Variants in MTERF4 observed in about 807,000 individuals in gnomAD.
MTERF4 encodes the protein mitochondrial transcription termination factor 4.
A neutral mutation model predicts 22.5 loss-of-function variants in MTERF4; 17 were observed. The ratio of observed to expected loss-of-function variants is 0.75; its 90% CI spans 0.52 to 1.13. The LOEUF is 1.13. MTERF4 is among the 50% of genes most tolerant of loss of function. The probability of loss-of-function intolerance (pLI) is 0.00; values close to 1 mark genes in which losing one functional copy is unlikely to be tolerated. For missense variants in MTERF4, 420 were observed against 466.8 expected (o/e 0.90, Z 0.92); for synonymous variants, 165 against 175.3 (o/e 0.94, Z 0.47).
chr2:241,068,024 G>A (rs563204287), downstream of MTERF4: 7 of 1,354,380 alleles, frequency 5.2e-6, no homozygotes, highest in East Asian at 2.4e-5. The surrounding 1 kb of genome is among the most constrained non-coding windows in gnomAD (Gnocchi z 5.3). Context: ...CCCAGGTCTC[G>A]GGCACATTCT....
downstream of MTERF4, chr2:241,088,285 G>A: frequency 1.0e-6 from 1 of 983,490 alleles, no homozygotes. Flanking sequence ...ATCTCAGCAG[G>A]CAGCCTGGAC....
the MTERF4 span, among the ~76,000 whole-genome samples, chr2:241,066,701 C>T: frequency 3.6e-4 from 55 of 152,274 alleles, no homozygotes; most frequent in African/African-American, 1.2e-3. Context: ...GGGGCGGCCA[C>T]GTGAGTTTGG....
At chr2:241,098,320 T>A (rs1490644258) in intron 2 of MTERF4, among the ~76,000 whole-genome samples, 1 of 152,236 alleles carries the variant, frequency 6.6e-6, no homozygotes, top group Non-Finnish European at 1.5e-5. Flanking sequence ...GGCTACCTTT[T>A]TCTTATCTTC....
chr2:241,071,683 G>C, downstream of MTERF4: 1 of 1,547,820 alleles, frequency 6.5e-7, no homozygotes, highest in Non-Finnish European at 8.7e-7. Context: ...CCTGCTCAAT[G>C]ACCACAGCGC....
chr2:241,069,796 C>G (rs1216880815), downstream of MTERF4: 1 of 1,141,916 alleles, frequency 8.8e-7, no homozygotes, highest in East Asian at 2.4e-5. This position sits in a 1 kb window ranked among gnomAD's most constrained non-coding sequence, Gnocchi z 4.9. Flanking sequence ...CTGTACCATT[C>G]TCCATAATAA....
the MTERF4 span, chr2:241,050,043 C>A: frequency 1.3e-6 from 1 of 792,650 alleles, no homozygotes; most frequent in Non-Finnish European, 2.2e-6. Flanking sequence ...TTGCTGACCT[C>A]GTCTAGAGCC....
rs1295014448 is a variant in MTERF4, at chr2:241,073,052, G to C, written n.3110C>G. 7 of 554,870 alleles carry C rather than the reference G, an allele frequency of 1.3e-5. No homozygotes were observed. The highest frequency in any genetic ancestry group is 6.1e-5 in the Admixed American group (2 of 32,592). 34.4% of individuals were successfully genotyped at this position (554,870 alleles called of 1,614,324 possible). On this transcript the variant is annotated non_coding_transcript_exon_variant, in exon 5 of 5. Transcript: ENST00000464344. This position sits in a 1 kb window ranked among gnomAD's most constrained non-coding sequence, Gnocchi z 6.6. Reference sequence around the variant, plus strand: ...TCTGAGGGGGCCCTGCAAGGGGAAGGCCGAGCCCCTCCAGAGGGTCAGCAG... The same window carrying C: ...TCTGAGGGGGCCCTGCAAGGGGAAGCCCGAGCCCCTCCAGAGGGTCAGCAG...
At chr2:241,066,945 A>G in the MTERF4 span, among the ~76,000 whole-genome samples, 1 of 152,150 alleles carries the variant, frequency 6.6e-6, no homozygotes, top group Non-Finnish European at 1.5e-5. Context: ...CACAGAGCAC[A>G]CCTCGGCCAG....
At chr2:241,084,791 C>CT (rs575797395), downstream of MTERF4, among the ~76,000 whole-genome samples, 153 of 152,344 alleles carry the variant, frequency 1.0e-3, 1 homozygote, top group Admixed American at 4.5e-3. Context: ...TTAACTCTAA[C>CT]ATCTCCTATA....
the MTERF4 span, among the ~76,000 whole-genome samples, chr2:241,045,533 AATCCAATGGAG>A: frequency 6.6e-6 from 1 of 152,194 alleles, no homozygotes; most frequent in Non-Finnish European, 1.5e-5. Context: ...AAAAGATTTA[AATCCAATGGAG>A]AAATGATAAT....
downstream of MTERF4, among the ~76,000 whole-genome samples, chr2:241,083,897 A>G (rs906541660): frequency 5.2e-5 from 7 of 134,448 alleles, no homozygotes; most frequent in Non-Finnish European, 9.7e-5. Flanking sequence ...TTAAACTGCC[A>G]TATTACTATT....
intron 1 of MTERF4, chr2:241,101,139 A>G (rs767993472): frequency 4.3e-6 from 2 of 462,230 alleles, no homozygotes. Context: ...GTTGTAATAT[A>G]AGATGAAATA....
downstream of MTERF4, chr2:241,082,249 G>A: frequency 1.3e-6 from 2 of 1,573,752 alleles, no homozygotes; most frequent in Non-Finnish European, 1.7e-6. Context: ...AGGAGCACCT[G>A]GTGAGCCACT....
the MTERF4 span, chr2:241,063,435 G>T: frequency 1.5e-6 from 1 of 661,978 alleles, no homozygotes; most frequent in South Asian, 1.6e-5. Context: ...GGGTGGGTTT[G>T]GGGCTGATGG....
chr2:241,080,789 C>T (rs903604313), intron 4 of MTERF4, among the ~76,000 whole-genome samples: 5 of 152,248 alleles, frequency 3.3e-5, no homozygotes, highest in Admixed American at 6.5e-5. Flanking sequence ...AGGACCAACT[C>T]GGTCTGCAGG....
chr2:241,088,415 T>C, downstream of MTERF4: 1 of 1,607,660 alleles, frequency 6.2e-7, no homozygotes, highest in Middle Eastern at 1.7e-4. Flanking sequence ...ACGTCCCTGC[T>C]GCTCCCGCCC....
At position 241,095,775 on chromosome 2, in the gene MTERF4, C is replaced by A; in HGVS notation, c.*223G>T. The A allele has an allele frequency of 1.4e-6, 1 of 721,724 alleles. No individual in the cohort carries two copies. The highest frequency in any genetic ancestry group is 2.2e-6 in the Non-Finnish European group (1 of 448,204). The allele number at this position is 721,724 out of a possible 1,614,324, so 44.7% of individuals were successfully genotyped here. ...TATCTTATTCAGGATGGGACAGGGC[C>A]CTCCCCACAGACACGTGACAACAGA... is the stretch of plus-strand genomic sequence containing the variant. On this transcript the variant is annotated 3_prime_UTR_variant, in exon 4 of 4. Transcript: ENST00000391980.
downstream of MTERF4, chr2:241,070,067 C>G: frequency 6.2e-7 from 1 of 1,613,112 alleles, no homozygotes; most frequent in Non-Finnish European, 8.5e-7. Context: ...CGCTATGTCC[C>G]CAACGGGAAG....
At chr2:241,102,195 GC>G (rs1321264551) in intron 1 of MTERF4, 57 bp downstream of exon 1, 50 of 1,547,040 alleles carry the variant, frequency 3.2e-5, no homozygotes, top group Non-Finnish European at 4.0e-5. Flanking sequence ...CGGTTCCTCT[GC>G]GTCGCTGCCC....
Sources: allele counts gnomAD v4.1 joint callset (sites outside exome capture counted in the v4.1 genomes callset), GRCh38; gene constraint gnomAD v4.1.1; non-coding constraint Gnocchi (gnomAD v3.1); transcripts MANE v1.5; gene names NCBI Gene and HGNC (gene_info 2026-07-23, HGNC 2026-07-21).